The following PACRG variants were observed in gnomAD, a reference collection of about 807,000 sequenced individuals.
PACRG encodes parkin coregulated gene protein.
In PACRG, 29 loss-of-function variants were observed where a neutral mutation model predicts 29.7. The observed-to-expected ratio is 0.98, with a 90% CI of 0.73 to 1.33. PACRG has a LOEUF of 1.33. PACRG is among the 40% of genes most tolerant of loss of function. The pLI, the probability that PACRG is intolerant of heterozygous loss-of-function variation, is 0.00. For missense variants in PACRG, 279 were observed against 316.2 expected (o/e 0.88, Z 0.89); for synonymous variants, 116 against 118.7 (o/e 0.98, Z 0.15).
chr6:162,794,698 C>T (rs879870972), intron 1 of PACRG, among the ~76,000 whole-genome samples: 1 of 152,092 alleles, frequency 6.6e-6, no homozygotes, highest in East Asian at 1.9e-4. Flanking sequence ...ACTACCTTCC[C>T]CATTCATCAG....
intron 2 of PACRG, among the ~76,000 whole-genome samples, chr6:162,887,497 A>G (rs187886660): frequency 6.6e-6 from 1 of 152,276 alleles, no homozygotes; most frequent in East Asian, 1.9e-4. Context: ...TTGGTATCGT[A>G]TTGCATGTGA....
chr6:163,174,542 A>C (rs1309580056), intron 4 of PACRG, among the ~76,000 whole-genome samples: 1 of 152,232 alleles, frequency 6.6e-6, no homozygotes, highest in Non-Finnish European at 1.5e-5. Flanking sequence ...GAACCAGTCT[A>C]TCTCATTGCC....
intron 4 of PACRG, among the ~76,000 whole-genome samples, chr6:163,158,627 G>A (rs1778420610): frequency 6.6e-6 from 1 of 152,208 alleles, no homozygotes; most frequent in East Asian, 1.9e-4. Flanking sequence ...TTTTAAATGA[G>A]AAGAGGTAAT....
intron 1 of PACRG, among the ~76,000 whole-genome samples, chr6:162,751,154 T>C (rs2128279713): frequency 8.3e-6 from 1 of 121,004 alleles, no homozygotes; most frequent in South Asian, 3.5e-4. Flanking sequence ...TTAGAAATGA[T>C]TTTTTTTTTT....
At chr6:162,988,631 G>A (rs986708363) in intron 2 of PACRG, among the ~76,000 whole-genome samples, 1 of 152,114 alleles carries the variant, frequency 6.6e-6, no homozygotes, top group African/African-American at 2.4e-5. Context: ...CTTTAATGAG[G>A]TAATCCTGTT....
intron 4 of PACRG, among the ~76,000 whole-genome samples, chr6:163,250,653 C>T (rs912574776): frequency 6.6e-6 from 1 of 152,090 alleles, no homozygotes; most frequent in African/African-American, 2.4e-5. Context: ...TCCAGCAATC[C>T]CACTACTGGG....
intron 2 of PACRG, among the ~76,000 whole-genome samples, chr6:163,002,842 C>A (rs939679586): frequency 6.6e-6 from 1 of 152,186 alleles, no homozygotes; most frequent in Non-Finnish European, 1.5e-5. Context: ...AGAACCTTGA[C>A]TCCTCTGCAG....
intron 2 of PACRG, among the ~76,000 whole-genome samples, chr6:162,978,063 G>A (rs997793414): frequency 8.0e-5 from 12 of 150,610 alleles, no homozygotes; most frequent in Non-Finnish European, 1.6e-4. Flanking sequence ...AGAATCACTT[G>A]AACCCGGGAG....
intron 4 of PACRG, among the ~76,000 whole-genome samples, chr6:163,272,985 G>A (rs947882379): frequency 1.5e-5 from 2 of 134,304 alleles, no homozygotes; most frequent in African/African-American, 3.1e-5. Context: ...TCCGCCTCCC[G>A]GGTTCACGCC....
chr6:162,889,494 A>G (rs1307030349), intron 2 of PACRG, among the ~76,000 whole-genome samples: 1 of 152,234 alleles, frequency 6.6e-6, no homozygotes, highest in Non-Finnish European at 1.5e-5. Context: ...CCGTTCTACA[A>G]TAATGGAAGT....
At chr6:162,761,782 C>T (rs1782376696) in intron 1 of PACRG, among the ~76,000 whole-genome samples, 1 of 151,710 alleles carries the variant, frequency 6.6e-6, no homozygotes, top group Non-Finnish European at 1.5e-5. Flanking sequence ...ACTAAAAGTG[C>T]AAAAATCAGC....
chr6:163,237,993 T>C (rs1018580211), intron 4 of PACRG, among the ~76,000 whole-genome samples: 1 of 152,214 alleles, frequency 6.6e-6, no homozygotes, highest in East Asian at 1.9e-4. Context: ...TTTTCATTAA[T>C]CAACTAAACA....
At chr6:163,180,878 G>A (rs1364037646) in intron 4 of PACRG, among the ~76,000 whole-genome samples, 1 of 152,220 alleles carries the variant, frequency 6.6e-6, no homozygotes, top group African/African-American at 2.4e-5. Context: ...GGCACCGAGC[G>A]TTGTGTGTGT....
intron 2 of PACRG, among the ~76,000 whole-genome samples, chr6:162,941,989 A>T (rs749661008): frequency 1.3e-5 from 2 of 152,210 alleles, no homozygotes; most frequent in Non-Finnish European, 2.9e-5. Flanking sequence ...CCAGATTCAA[A>T]TCCCAAGCTG....
Position 163,312,761 on chromosome 6 carries a change from T to A in PACRG, c.614-2066T>A, listed in dbSNP as rs56761274. ...TCTGATATATTCTTTTTGTTTTGTT[T>A]GTTTGTTTTTGAGACAGGGTCTTAC... On this transcript the variant is annotated intron_variant, in intron 4 of 4. Transcript: ENST00000366888. 0.15 allele frequency: 66,271 copies of A among 439,344 alleles called. 5,520 individuals carry two copies. Among genetic ancestry groups the A allele is most frequent in the Admixed American group, 0.25 (10,097 of 40,156 alleles). The allele number at this position is 439,344 out of a possible 1,614,324, so 27.2% of individuals were successfully genotyped here.
At chr6:163,057,245 CA>C (rs1232061506) in intron 2 of PACRG, among the ~76,000 whole-genome samples, 1 of 152,112 alleles carries the variant, frequency 6.6e-6, no homozygotes, top group Non-Finnish European at 1.5e-5. Flanking sequence ...AATAAAAACT[CA>C]AAAACAATGG....
chr6:162,820,434 T>C (rs892234741), intron 2 of PACRG, among the ~76,000 whole-genome samples: 5 of 152,192 alleles, frequency 3.3e-5, no homozygotes, highest in African/African-American at 1.2e-4. Flanking sequence ...ATAATTATTA[T>C]AAAAATATGC....
Position 163,184,303 on chromosome 6 carries a change from A to G in PACRG, c.613+94895A>G, listed in dbSNP as rs114524005. On this transcript the variant is annotated intron_variant, in intron 4 of 4. Coordinates refer to ENST00000366888, the MANE Select transcript of PACRG (RefSeq NM_001080379.2). ...TTCTTGTTCAGTTTAGGTCTACTTA[A>G]GAGTCTGGTAAATCCTGTACATAAA... 7.6e-3 allele frequency among the ~76,000 whole-genome samples: 1,160 copies of G among 152,316 alleles called. 14 individuals are homozygous for G. The highest frequency in any genetic ancestry group is 0.027 in the African/African-American group (1,107 of 41,564).
At chr6:162,756,254 C>A (rs1395455570) in intron 1 of PACRG, among the ~76,000 whole-genome samples, 1 of 152,146 alleles carries the variant, frequency 6.6e-6, no homozygotes, top group Non-Finnish European at 1.5e-5. Flanking sequence ...TTAAGGTCCT[C>A]TACTATTATA....
Sources: allele counts gnomAD v4.1 joint callset (sites outside exome capture counted in the v4.1 genomes callset), GRCh38; gene constraint gnomAD v4.1.1; transcripts MANE v1.5; gene names NCBI Gene and HGNC (gene_info 2026-07-23, HGNC 2026-07-21).